Variants in NRG1 observed in about 807,000 individuals in gnomAD.
NRG1 encodes pro-neuregulin-1, membrane-bound isoform.
In NRG1, 18 loss-of-function variants were observed where a neutral mutation model predicts 63.8. The observed-to-expected ratio is 0.28, with a 90% CI of 0.19 to 0.42. The LOEUF (loss-of-function observed/expected upper bound fraction) is 0.42. NRG1 is among the 10% of genes least tolerant of loss of function. The pLI is 1.00. For missense variants in NRG1, 762 were observed against 814.7 expected, an observed-to-expected ratio of 0.94 and a Z score of 0.79; for synonymous variants, 302 against 301.3, an observed-to-expected ratio of 1.00 and a Z score of -0.02.
intron 11 of NRG1, chr8:32,760,945 A>G (rs986041897): frequency 2.0e-6 from 2 of 986,566 alleles, no homozygotes; most frequent in Non-Finnish European, 2.4e-6. Context: ...TATCTATTTT[A>G]TGAAATTCCA....
chr8:31,931,794 A>G lies in NRG1; in HGVS notation c.37+292363A>G, dbSNP rs894624884. On this transcript the variant is annotated intron_variant, in intron 1 of 10. Transcript: ENST00000519301. Reference sequence around the variant, plus strand: ...TCGGGCTGTTCTGATGGTGGGGTCCAAGGGCAGCCTTGCTTCTGCCATTTG... The same window carrying G: ...TCGGGCTGTTCTGATGGTGGGGTCCGAGGGCAGCCTTGCTTCTGCCATTTG... Among the ~76,000 whole-genome samples the G allele has an allele frequency of 4.6e-5, 7 of 152,308 alleles. No individual in the cohort carries two copies. In the East Asian group the frequency reaches 1.4e-3, roughly 29 times the overall value.
chr8:31,776,716 G>A (rs1046638597), intron 1 of NRG1, among the ~76,000 whole-genome samples: 1 of 151,866 alleles, frequency 6.6e-6, no homozygotes, highest in Admixed American at 6.6e-5. Context: ...AGTCCCTGGT[G>A]TGTGATGTTC....
At chr8:31,995,198 C>T (rs1414867343) in intron 1 of NRG1, among the ~76,000 whole-genome samples, 2 of 151,896 alleles carry the variant, frequency 1.3e-5, no homozygotes, top group African/African-American at 2.4e-5. Context: ...AGAAATAGCA[C>T]AGGAAGAATC....
intron 1 of NRG1, among the ~76,000 whole-genome samples, chr8:31,780,140 G>C (rs1014475023): frequency 1.3e-5 from 2 of 152,312 alleles, no homozygotes; most frequent in South Asian, 4.1e-4. Context: ...ACTAGAGATG[G>C]AATTTTTAAA....
chr8:31,677,227 T>G (rs1192928986), intron 1 of NRG1, among the ~76,000 whole-genome samples: 2 of 152,172 alleles, frequency 1.3e-5, no homozygotes, highest in Non-Finnish European at 2.9e-5. Flanking sequence ...AATTCAATAT[T>G]TAAAGCCTTT....
intron 10 of NRG1, 103 bp from the exon 11 acceptor site, chr8:32,760,097 C>A: frequency 7.6e-7 from 1 of 1,309,370 alleles, no homozygotes; most frequent in Non-Finnish European, 1.1e-6. Context: ...CCGGGTGCAT[C>A]AGTAGTTTGA....
intron 1 of NRG1, among the ~76,000 whole-genome samples, chr8:31,998,060 G>A (rs1174385782): frequency 1.3e-5 from 2 of 151,864 alleles, no homozygotes; most frequent in Admixed American, 6.6e-5. Context: ...ATGAATAATA[G>A]GGCCTGGGGT....
intron 1 of NRG1, among the ~76,000 whole-genome samples, chr8:32,042,302 A>G (rs532722494): frequency 6.6e-6 from 1 of 152,044 alleles, no homozygotes; most frequent in Non-Finnish European, 1.5e-5. Flanking sequence ...ATAAAAAAAT[A>G]AAAAGCTGGG....
rs191527353 is a variant in NRG1, at chr8:31,725,854, T to C, written c.37+86423T>C. 2.6e-5 allele frequency among the ~76,000 whole-genome samples: 4 copies of C among 152,304 alleles called. No homozygotes were observed. In the East Asian group the frequency reaches 7.7e-4, roughly 29 times the overall value. On this transcript the variant is annotated intron_variant, in intron 1 of 10. Coordinates refer to the NRG1 transcript ENST00000519301. Reference sequence around the variant, plus strand: ...GAGATTTTCTTCACAGAGATGGTTTTGGAAAATGTCTCATCACACAAGTGG... The same window carrying C: ...GAGATTTTCTTCACAGAGATGGTTTCGGAAAATGTCTCATCACACAAGTGG...
intron 1 of NRG1, among the ~76,000 whole-genome samples, chr8:32,249,973 G>T (rs1395580301): frequency 6.6e-6 from 1 of 152,086 alleles, no homozygotes; most frequent in Non-Finnish European, 1.5e-5. Flanking sequence ...TCATGAAGAA[G>T]GGTGGAGATG....
upstream of NRG1, among the ~76,000 whole-genome samples, chr8:32,545,539 A>G (rs62500194): frequency 0.15 from 23,213 of 151,918 alleles, 1,983 homozygotes; most frequent in Middle Eastern, 0.2. Flanking sequence ...GTCAGTTCCA[A>G]GGTTTTTTAC....
Position 31,763,673 on chromosome 8 carries a change from G to A in NRG1, c.37+124242G>A, listed in dbSNP as rs189456970. ...GGCATTTAAAAATAGATAGTTGGCC[G>A]GACACAGTGGCTCACGCCTGTGATC... On this transcript the variant is annotated intron_variant, in intron 1 of 10. Transcript: ENST00000519301. Among the ~76,000 whole-genome samples the A allele has an allele frequency of 4.4e-4, 67 of 152,322 alleles. No homozygotes were observed. The East Asian group carries it at 0.01, about 23-fold the overall frequency.
intron 7 of NRG1, among the ~76,000 whole-genome samples, chr8:32,744,387 A>T (rs762197527): frequency 1.3e-5 from 2 of 152,156 alleles, no homozygotes; most frequent in African/African-American, 2.4e-5. Flanking sequence ...CCTTCACTTT[A>T]TTCACAAACA....
At chr8:32,557,423 T>A (rs1167007814) in intron 1 of NRG1, among the ~76,000 whole-genome samples, 1 of 152,220 alleles carries the variant, frequency 6.6e-6, no homozygotes, top group East Asian at 1.9e-4. Context: ...TGCACAACAT[T>A]TTATTGTTTA....
intron 6 of NRG1, among the ~76,000 whole-genome samples, chr8:32,735,592 C>T (rs531682023): frequency 6.6e-6 from 1 of 152,222 alleles, no homozygotes; most frequent in South Asian, 2.1e-4. Flanking sequence ...GAGAGGAAAA[C>T]CAAACCACAA....
intron 5 of NRG1, among the ~76,000 whole-genome samples, chr8:32,664,508 G>C (rs1803645312): frequency 1.3e-5 from 2 of 152,074 alleles, no homozygotes; most frequent in Non-Finnish European, 2.9e-5. Context: ...GGAATTTGCT[G>C]ATAGCGAACA....
At chr8:32,559,900 T>C (rs548883024) in intron 1 of NRG1, among the ~76,000 whole-genome samples, 1 of 151,284 alleles carries the variant, frequency 6.6e-6, no homozygotes, top group South Asian at 2.1e-4. Context: ...GATGCACCTG[T>C]AGTCCCATCT....
intron 1 of NRG1, among the ~76,000 whole-genome samples, chr8:31,766,337 T>G (rs1182197181): frequency 6.6e-6 from 1 of 152,194 alleles, no homozygotes; most frequent in Non-Finnish European, 1.5e-5. Context: ...CCTCTGTTAC[T>G]AGCCTGTGTT....
intron 1 of NRG1, among the ~76,000 whole-genome samples, chr8:31,965,751 G>A (rs1342712817): frequency 2.0e-5 from 3 of 152,156 alleles, no homozygotes; most frequent in South Asian, 2.1e-4. Context: ...ACTGGTATAA[G>A]AGGTATCTCA....
Sources: allele counts gnomAD v4.1 joint callset (sites outside exome capture counted in the v4.1 genomes callset), GRCh38; gene constraint gnomAD v4.1.1; transcripts MANE v1.5; gene names NCBI Gene and HGNC (gene_info 2026-07-23, HGNC 2026-07-21).